C10orf90: variants seen among roughly 807,000 people sequenced by gnomAD.
The protein encoded by C10orf90 is (E2-independent) E3 ubiquitin-conjugating enzyme FATS.
In C10orf90, 56 loss-of-function variants were observed where a neutral mutation model predicts 62.5. The ratio of observed to expected loss-of-function variants is 0.90; its 90% CI spans 0.72 to 1.12. C10orf90 has a LOEUF of 1.12. Among genes scored for constraint, C10orf90 ranks in the 50% most tolerant of loss-of-function variants. The pLI, the probability that C10orf90 is intolerant of heterozygous loss-of-function variation, is 0.00. For missense variants in C10orf90, 970 were observed against 880.4 expected (o/e 1.10, Z -1.29); for synonymous variants, 386 against 340.4 (o/e 1.13, Z -1.47).
At chr10:126,560,126 A>G (rs758166670) in intron 2 of C10orf90, among the ~76,000 whole-genome samples, 1 of 152,062 alleles carries the variant, frequency 6.6e-6, no homozygotes, top group Non-Finnish European at 1.5e-5. Flanking sequence ...CAACTGCTCC[A>G]TTGTTCCCCC....
rs76847309 is a variant in C10orf90 at position 126,456,314 on chromosome 10, A to G, written c.2188+2726T>C. Among the ~76,000 whole-genome samples, 2,115 of 152,284 alleles carry G rather than the reference A, an allele frequency of 0.014. 52 individuals are homozygous for G. Among genetic ancestry groups the G allele is most frequent in the South Asian group, 0.098 (473 of 4,828 alleles). ...AAACGAACCCAAAAGTAAAGCTCTC[A>G]TCGACACATAAATACGGCAGGGATG... On this transcript the variant is annotated intron_variant, in intron 7 of 9. Coordinates refer to ENST00000488181, the MANE Select transcript of C10orf90 (RefSeq NM_001350921.2). This position sits in a 1 kb window ranked among gnomAD's most constrained non-coding sequence, Gnocchi z 4.9.
intron 2 of C10orf90, among the ~76,000 whole-genome samples, chr10:126,609,703 G>C (rs1387846858): frequency 1.3e-5 from 2 of 152,222 alleles, no homozygotes; most frequent in Non-Finnish European, 1.5e-5. Context: ...GCTTAGAGCA[G>C]GGAGAAGGAG....
Position 126,504,075 on chromosome 10 carries a change from A to G in C10orf90, c.1416T>C (p.Asn472=). The stretch of plus-strand genomic sequence containing the variant: ...TTACAGTGACTTGGTTAGCTCCCAC[A>G]TTTGCCAATTCTGTGTTTTCCAATG... The part of the protein sequence containing the change: ...SFPLENTELA[N]VGANQVTVRK... Residue 472 remains asparagine (N), a synonymous_variant, in exon 4 of 10, where the codon AAT becomes AAC. Coordinates refer to ENST00000488181, the MANE Select transcript of C10orf90 (RefSeq NM_001350921.2). This position sits in a 1 kb window ranked among gnomAD's most constrained non-coding sequence, Gnocchi z 4.1. 1 of 1,613,916 alleles carries G rather than the reference A, an allele frequency of 6.2e-7. No homozygotes were observed. The highest frequency in any genetic ancestry group is 1.6e-4 in the Middle Eastern group (1 of 6,062).
intron 4 of C10orf90, among the ~76,000 whole-genome samples, chr10:126,492,767 A>G (rs924475298): frequency 1.3e-5 from 2 of 152,212 alleles, no homozygotes; most frequent in African/African-American, 4.8e-5. Flanking sequence ...TAATGACAAT[A>G]TCCAATACTT....
At position 126,655,517 on chromosome 10, in the gene C10orf90, G is replaced by A. The variant is rs78911780; in HGVS notation, c.241-8880C>T. 1.4e-3 allele frequency among the ~76,000 whole-genome samples: 219 copies of A among 152,272 alleles called. 1 individual carries two copies. Among genetic ancestry groups the A allele is most frequent in the African/African-American group, 5.1e-3 (212 of 41,558 alleles). On this transcript the variant is annotated intron_variant, in intron 1 of 9. Transcript: ENST00000488181. ...CAAACCTTCAACTTGTAAAGTATGT[G>A]ATATCTGCAAAGTACAATAAAGTAA...
At chr10:126,664,915 C>T (rs184333385) in intron 1 of C10orf90, among the ~76,000 whole-genome samples, 8 of 152,160 alleles carry the variant, frequency 5.3e-5, no homozygotes, top group Non-Finnish European at 1.2e-4. Context: ...AAGAATATGG[C>T]GACAGGGCAG....
At chr10:126,502,581 G>T (rs1862465855) in intron 4 of C10orf90, 1 of 249,524 alleles carries the variant, frequency 4.0e-6, no homozygotes, top group South Asian at 4.2e-5. Flanking sequence ...TTGAGATCTG[G>T]CTCTCATTAT....
chr10:126,598,286 C>T (rs1845126343), intron 2 of C10orf90, among the ~76,000 whole-genome samples: 1 of 152,178 alleles, frequency 6.6e-6, no homozygotes, highest in Admixed American at 6.5e-5. Flanking sequence ...ACAGGTCTAG[C>T]AGGGCTAGCC....
intron 2 of C10orf90, among the ~76,000 whole-genome samples, chr10:126,534,378 A>G (rs911204801): frequency 5.3e-5 from 8 of 152,090 alleles, no homozygotes; most frequent in African/African-American, 1.7e-4. Context: ...TTCTGTTTCT[A>G]TGGTGTCAAT....
At chr10:126,441,863 C>G (rs924317599) in intron 7 of C10orf90, among the ~76,000 whole-genome samples, 4 of 152,102 alleles carry the variant, frequency 2.6e-5, no homozygotes, top group Non-Finnish European at 4.4e-5. Context: ...CAAGCCACCA[C>G]TAAAAGAACT....
In C10orf90 at chr10:126,429,813, C is replaced by G; in HGVS notation, c.2226G>C (p.Glu742Asp). The G allele has an allele frequency of 6.2e-7, 1 of 1,614,122 alleles. No individual in the cohort carries two copies. The highest frequency in any genetic ancestry group is 1.6e-4 in the Middle Eastern group (1 of 6,062). The stretch of plus-strand genomic sequence containing the variant: ...TCTTAGATCGCATATGCATCTCCTT[C>G]TCTGAAATGCACCGTTCTTTGGGTT... ...LFKPKERCISEKEMHMRSKRI... is the reference protein window; with the variant it reads ...LFKPKERCISDKEMHMRSKRI... Residue 742 changes from glutamate (E) to aspartate (D), a missense_variant, in exon 8 of 10, where the codon GAG (glutamate) becomes GAC (aspartate). Glu to Asp is a conservative substitution (Grantham distance 45). Transcript: ENST00000488181.
intron 2 of C10orf90, among the ~76,000 whole-genome samples, chr10:126,646,220 C>A (rs2133851345): frequency 6.6e-6 from 1 of 152,344 alleles, no homozygotes; most frequent in African/African-American, 2.4e-5. Context: ...ATTGCATCCA[C>A]TTTGTTCTGA....
intron 7 of C10orf90, among the ~76,000 whole-genome samples, chr10:126,438,692 G>A (rs1472875633): frequency 6.6e-6 from 1 of 152,012 alleles, no homozygotes. Context: ...TTTCAAAATT[G>A]TTTGTACCTG....
intron 2 of C10orf90, among the ~76,000 whole-genome samples, chr10:126,601,418 G>C (rs188735964): frequency 5.7e-4 from 87 of 152,292 alleles, no homozygotes; most frequent in Middle Eastern, 6.8e-3. Flanking sequence ...TAGTATCTAT[G>C]TGTCTCCCAT....
intron 7 of C10orf90, among the ~76,000 whole-genome samples, chr10:126,447,697 C>T (rs544265052): frequency 6.6e-6 from 1 of 152,172 alleles, no homozygotes; most frequent in Non-Finnish European, 1.5e-5. Context: ...CAGATATACA[C>T]AGAGCATTCC....
chr10:126,430,742 C>G (rs548421812), intron 7 of C10orf90, among the ~76,000 whole-genome samples: 1 of 152,342 alleles, frequency 6.6e-6, no homozygotes, highest in African/African-American at 2.4e-5. Context: ...CCTTGCCAAG[C>G]ATCAGAGTTG....
At chr10:126,449,400 G>C (rs1237287103) in intron 7 of C10orf90, among the ~76,000 whole-genome samples, 1 of 151,986 alleles carries the variant, frequency 6.6e-6, no homozygotes, top group Non-Finnish European at 1.5e-5. Context: ...CACATTAACG[G>C]CCATATATAA....
intron 4 of C10orf90, among the ~76,000 whole-genome samples, chr10:126,487,142 CAAAAAAAAAAAA>C (rs1158481155): frequency 1.7e-4 from 5 of 29,454 alleles, no homozygotes; most frequent in African/African-American, 2.8e-4. Context: ...AAAACTCTGT[CAAAAAAAAAAAA>C]AAAAAAAAAA....
At chr10:126,611,184 T>C (rs1591142623) in intron 2 of C10orf90, among the ~76,000 whole-genome samples, 1 of 152,168 alleles carries the variant, frequency 6.6e-6, no homozygotes, top group Non-Finnish European at 1.5e-5. Flanking sequence ...CCAACACTCA[T>C]CTACTTTCTG....
Sources: gnomAD v4.1 joint callset for allele counts (sites outside exome capture counted in the v4.1 genomes callset) on GRCh38, gnomAD v4.1.1 for gene constraint, Gnocchi (gnomAD v3.1) non-coding constraint, MANE v1.5 for transcripts, NCBI Gene and HGNC (gene_info 2026-07-23, HGNC 2026-07-21) for gene names.